The following KLRG1 variants were observed in gnomAD, a reference collection of about 807,000 sequenced individuals.
KLRG1 encodes the protein killer cell lectin-like receptor subfamily G member 1.
A neutral mutation model predicts 21.8 loss-of-function variants in KLRG1; 16 were observed. That is an observed-to-expected ratio of 0.73 (90% CI 0.50 to 1.11). The LOEUF (loss-of-function observed/expected upper bound fraction) is 1.11, where lower values mean the gene tolerates loss of function less well. KLRG1 is among the 50% of genes most tolerant of loss of function. The pLI, the probability that KLRG1 is intolerant of heterozygous loss-of-function variation, is 0.00. For missense variants in KLRG1, 173 were observed against 218.3 expected, an observed-to-expected ratio of 0.79 and a Z score of 1.31; for synonymous variants, 69 against 75.9, an observed-to-expected ratio of 0.91 and a Z score of 0.47.
the KLRG1 span, among the ~76,000 whole-genome samples, chr12:9,083,984 T>C: frequency 1.3e-5 from 2 of 152,100 alleles, no homozygotes; most frequent in African/African-American, 4.8e-5. Context: ...TATCCATGGA[T>C]TTTTAGCAGT....
At chr12:9,070,261 C>A in the KLRG1 span, among the ~76,000 whole-genome samples, 1 of 152,192 alleles carries the variant, frequency 6.6e-6, no homozygotes, top group East Asian at 1.9e-4. Flanking sequence ...AATTGAAAAG[C>A]AGGAACCTGC....
the KLRG1 span, chr12:9,104,135 T>A: frequency 7.7e-6 from 9 of 1,167,486 alleles, no homozygotes; most frequent in Non-Finnish European, 9.5e-6. Context: ...CTAGTTTTTT[T>A]CTCTCCATAG....
At chr12:9,140,991 C>G in the KLRG1 span, among the ~76,000 whole-genome samples, 1 of 152,108 alleles carries the variant, frequency 6.6e-6, no homozygotes, top group Non-Finnish European at 1.5e-5. Flanking sequence ...ATTGCCATAA[C>G]TTAAATATAC....
the KLRG1 span, chr12:9,074,780 T>C: frequency 6.2e-7 from 1 of 1,610,308 alleles, no homozygotes; most frequent in Non-Finnish European, 8.5e-7. Context: ...ATGGACAGAG[T>C]TGTCTTAAAG....
the KLRG1 span, chr12:9,153,367 G>A: frequency 1.6e-5 from 26 of 1,579,848 alleles, no homozygotes; most frequent in Admixed American, 1.4e-4. Context: ...GTGGACAACC[G>A]CCCCAAAGAG....
upstream of KLRG1, among the ~76,000 whole-genome samples, chr12:8,988,603 T>C (rs1411206251): frequency 6.6e-6 from 1 of 151,994 alleles, no homozygotes; most frequent in African/African-American, 2.4e-5. Flanking sequence ...TTAGACGGAG[T>C]TTCACTCTTG....
chr12:9,041,437 A>AT, the KLRG1 span, among the ~76,000 whole-genome samples: 3 of 152,182 alleles, frequency 2.0e-5, no homozygotes, highest in Non-Finnish European at 4.4e-5. Context: ...GAGCCACAGG[A>AT]TTTTTTGCCA....
chr12:9,102,009 G>A, the KLRG1 span, among the ~76,000 whole-genome samples: 1 of 152,194 alleles, frequency 6.6e-6, no homozygotes, highest in African/African-American at 2.4e-5. Flanking sequence ...CTTCATTGAG[G>A]AGAGTAAATA....
the KLRG1 span, among the ~76,000 whole-genome samples, chr12:9,161,615 T>C: frequency 3.3e-5 from 5 of 152,204 alleles, no homozygotes; most frequent in Non-Finnish European, 7.3e-5. Context: ...ATAACCATGA[T>C]AATACAAGTT....
At chr12:9,066,110 T>C in the KLRG1 span, 2 of 152,724 alleles carry the variant, frequency 1.3e-5, no homozygotes, top group African/African-American at 4.8e-5. Flanking sequence ...TGCTCAGTAA[T>C]GCTCCTCTTC....
At chr12:9,121,451 G>C in the KLRG1 span, among the ~76,000 whole-genome samples, 1 of 152,098 alleles carries the variant, frequency 6.6e-6, no homozygotes. This position sits in a 1 kb window ranked among gnomAD's most constrained non-coding sequence, Gnocchi z 4.4. Context: ...TGATGCACGA[G>C]AATCGCTTAA....
At chr12:9,158,757 C>CTTTTTTTTTTT in the KLRG1 span, among the ~76,000 whole-genome samples, 2 of 125,430 alleles carry the variant, frequency 1.6e-5, no homozygotes, top group African/African-American at 3.0e-5. Context: ...CTTTTCTTTT[C>CTTTTTTTTTTT]TTTTTTTTTT....
At chr12:9,119,414 A>AT in the KLRG1 span, among the ~76,000 whole-genome samples, 136 of 150,272 alleles carry the variant, frequency 9.1e-4, no homozygotes, top group Middle Eastern at 3.2e-3. Context: ...TAATTGATTG[A>AT]TTTTTTTTTT....
the KLRG1 span, chr12:9,069,871 C>G: frequency 6.6e-7 from 1 of 1,522,274 alleles, no homozygotes. Context: ...CTGGGGGATC[C>G]AGAGAAAAAA....
the KLRG1 span, among the ~76,000 whole-genome samples, chr12:9,129,840 GC>G: frequency 6.6e-6 from 1 of 152,176 alleles, no homozygotes; most frequent in Admixed American, 6.5e-5. Context: ...GAGCCACCGC[GC>G]CTGGTGAACC....
At chr12:9,101,076 T>G in the KLRG1 span, 2 of 1,399,910 alleles carry the variant, frequency 1.4e-6, no homozygotes, top group East Asian at 5.0e-5. Flanking sequence ...AGTATTCTGA[T>G]ACTTCCGTGG....
the KLRG1 span, chr12:9,169,601 TG>T: frequency 1.3e-6 from 2 of 1,584,292 alleles, no homozygotes; most frequent in Non-Finnish European, 1.7e-6. Flanking sequence ...CCTGTAGCAG[TG>T]GGGGGATCAA....
the KLRG1 span, chr12:9,181,036 C>T: frequency 1.2e-6 from 2 of 1,614,174 alleles, no homozygotes; most frequent in South Asian, 1.1e-5. Flanking sequence ...CTTTGGTCCA[C>T]AGCACGAAGG....
the KLRG1 span, chr12:9,152,118 A>G: frequency 2.2e-5 from 20 of 901,890 alleles, no homozygotes; most frequent in African/African-American, 3.3e-4. Flanking sequence ...TATTTTTTTG[A>G]GGCAGGATGA....
Sources: gnomAD v4.1 joint callset for allele counts (sites outside exome capture counted in the v4.1 genomes callset) on GRCh38, gnomAD v4.1.1 for gene constraint, Gnocchi (gnomAD v3.1) non-coding constraint, MANE v1.5 for transcripts, NCBI Gene and HGNC (gene_info 2026-07-23, HGNC 2026-07-21) for gene names.